Variants in C6 observed in about 807,000 individuals in gnomAD.
The protein encoded by C6 is complement component C6.
A neutral mutation model predicts 112.9 loss-of-function variants in C6; 101 were observed. The ratio of observed to expected loss-of-function variants is 0.89; its 90% CI spans 0.76 to 1.06. C6 has a LOEUF of 1.06. C6 is among the 50% of genes least tolerant of loss of function. The probability of loss-of-function intolerance (pLI) is 0.00; values close to 1 mark genes in which losing one functional copy is unlikely to be tolerated. For synonymous variants in C6, 431 were observed against 384.1 expected (o/e 1.12, Z -1.43); for missense variants, 1,202 against 1,104.6 (o/e 1.09, Z -1.25).
chr5:41,230,033 T>C (rs1739789324), intron 1 of C6, among the ~76,000 whole-genome samples: 1 of 152,202 alleles, frequency 6.6e-6, no homozygotes, highest in Admixed American at 6.5e-5. Flanking sequence ...GAAGATTTCA[T>C]GGACATTTAT....
At chr5:41,192,649 A>T (rs1327254378) in intron 5 of C6, among the ~76,000 whole-genome samples, 1 of 152,074 alleles carries the variant, frequency 6.6e-6, no homozygotes, top group Non-Finnish European at 1.5e-5. Flanking sequence ...TAGATTTTCA[A>T]ATTTGTTGGC....
At chr5:41,156,347 G>A (rs1238893180) in intron 13 of C6, among the ~76,000 whole-genome samples, 3 of 152,002 alleles carry the variant, frequency 2.0e-5, no homozygotes, top group Non-Finnish European at 4.4e-5. Flanking sequence ...CAGTTCTGAG[G>A]GAAACTCATG....
rs746257156 is a variant in C6, at chr5:41,155,060, T to A, written c.2013A>T (p.Ser671=). 12 of 1,613,672 alleles carry A rather than the reference T, an allele frequency of 7.4e-6. No homozygotes were observed. In the Admixed American group the frequency reaches 1.3e-4, roughly 18 times the overall value. Residue 671 remains serine (S), a synonymous_variant, in exon 14 of 18, where the codon TCA becomes TCT. Coordinates refer to ENST00000337836, the MANE Select transcript of C6 (RefSeq NM_000065.5). ...CAACAGTTTCAAAGCCAGTAAGGCA[T>A]GAAATTTCAACATCTTCTCCAACCA... is the stretch of plus-strand genomic sequence containing the variant. ...LYLVGEDVEI[S]CLTGFETVGY... is the part of the protein sequence containing the mutation.
chr5:41,192,930 A>G (rs899613641), intron 5 of C6, among the ~76,000 whole-genome samples: 1 of 152,214 alleles, frequency 6.6e-6, no homozygotes, highest in Non-Finnish European at 1.5e-5. Context: ...TACTTTGGGT[A>G]TGTTGAAAAC....
intron 1 of C6, among the ~76,000 whole-genome samples, chr5:41,245,452 T>C (rs1740962641): frequency 6.6e-6 from 1 of 151,924 alleles, no homozygotes; most frequent in African/African-American, 2.4e-5. Context: ...AACTCATGGG[T>C]GGAGATTGCA....
intron 17 of C6, among the ~76,000 whole-genome samples, chr5:41,147,454 T>C (rs1301667330): frequency 2.0e-5 from 3 of 152,156 alleles, no homozygotes; most frequent in Non-Finnish European, 4.4e-5. Context: ...CATGTTTCAA[T>C]CTTGTGGCCT....
At chr5:41,173,876 A>G (rs771917576) in intron 8 of C6, among the ~76,000 whole-genome samples, 2 of 152,178 alleles carry the variant, frequency 1.3e-5, no homozygotes, top group Non-Finnish European at 2.9e-5. Context: ...CCTAACAAAA[A>G]GATGGTTGTT....
chr5:41,232,169 G>A (rs961839372), intron 1 of C6, among the ~76,000 whole-genome samples: 2 of 151,984 alleles, frequency 1.3e-5, no homozygotes, highest in Non-Finnish European at 2.9e-5. Context: ...TAACCCTTCA[G>A]GAATGAGGAA....
intron 1 of C6, among the ~76,000 whole-genome samples, chr5:41,253,285 T>G (rs966562139): frequency 4.6e-4 from 70 of 152,280 alleles, no homozygotes; most frequent in Non-Finnish European, 1.8e-4. Flanking sequence ...TCTTGGGTGG[T>G]TCTTTGCTGG....
At chr5:41,226,867 C>G (rs1463506622) in intron 1 of C6, among the ~76,000 whole-genome samples, 2 of 152,090 alleles carry the variant, frequency 1.3e-5, no homozygotes, top group Non-Finnish European at 2.9e-5. Flanking sequence ...TCGATGGACA[C>G]TTAGGTTGAT....
At chr5:41,241,738 G>A (rs928269861) in intron 1 of C6, among the ~76,000 whole-genome samples, 1 of 152,170 alleles carries the variant, frequency 6.6e-6, no homozygotes, top group Non-Finnish European at 1.5e-5. Flanking sequence ...GGAAATGTGG[G>A]TTTCAAAGTG....
intron 5 of C6, among the ~76,000 whole-genome samples, chr5:41,190,487 A>T (rs1750109476): frequency 6.6e-6 from 1 of 152,142 alleles, no homozygotes; most frequent in Non-Finnish European, 1.5e-5. Flanking sequence ...TGAGTTCCTT[A>T]TATATCCTGG....
At chr5:41,239,505 C>A (rs537015582) in intron 1 of C6, among the ~76,000 whole-genome samples, 2 of 152,120 alleles carry the variant, frequency 1.3e-5, no homozygotes, top group Admixed American at 1.3e-4. Context: ...CTATAGTCAC[C>A]CTACTATACA....
intron 1 of C6, among the ~76,000 whole-genome samples, chr5:41,235,158 G>A (rs1368033788): frequency 7.1e-6 from 1 of 141,842 alleles, no homozygotes; most frequent in African/African-American, 2.7e-5. Context: ...CATGTGCCAT[G>A]CTGGTGCGCT....
intron 1 of C6, among the ~76,000 whole-genome samples, chr5:41,244,333 C>T (rs984974893): frequency 2.0e-5 from 3 of 152,084 alleles, no homozygotes; most frequent in Non-Finnish European, 4.4e-5. Flanking sequence ...AAATATTTTA[C>T]ACATAAAATT....
At chr5:41,226,288 C>T (rs577764553) in intron 1 of C6, among the ~76,000 whole-genome samples, 29 of 152,160 alleles carry the variant, frequency 1.9e-4, no homozygotes, top group African/African-American at 3.9e-4. Context: ...AAAAAGTGGG[C>T]GAAGGATATG....
chr5:41,165,754 A>G (rs2150284991), intron 9 of C6, among the ~76,000 whole-genome samples: 1 of 152,260 alleles, frequency 6.6e-6, no homozygotes, highest in East Asian at 1.9e-4. Context: ...CACAATAAGC[A>G]TAAGTAAATA....
intron 9 of C6, among the ~76,000 whole-genome samples, chr5:41,165,748 A>T (rs922556394): frequency 6.6e-6 from 1 of 152,102 alleles, no homozygotes; most frequent in Admixed American, 6.6e-5. Flanking sequence ...AATTCTCACA[A>T]TAAGCATAAG....
rs139955238 is a variant in C6 at position 41,148,667 on chromosome 5, G to A, written c.2623+574C>T. ...CTTTGGGGCATCTGGCTGACCCCAC[G>A]CATGGTGGGGAGGAGAAGCAGTAGA... On this transcript the variant is annotated intron_variant, in intron 17 of 17. Coordinates refer to ENST00000337836, the MANE Select transcript of C6 (RefSeq NM_000065.5). Among the ~76,000 whole-genome samples the A allele has an allele frequency of 1.5e-3, 232 of 152,306 alleles. 1 individual carries two copies. The highest frequency in any genetic ancestry group is 5.4e-3 in the African/African-American group (223 of 41,560).
Sources: allele counts gnomAD v4.1 joint callset (sites outside exome capture counted in the v4.1 genomes callset), GRCh38; gene constraint gnomAD v4.1.1; transcripts MANE v1.5; gene names NCBI Gene and HGNC (gene_info 2026-07-23, HGNC 2026-07-21).